TMEM132C: variants seen among roughly 807,000 people sequenced by gnomAD.
The protein encoded by TMEM132C is transmembrane protein 132C.
Under a neutral mutation model 61.4 loss-of-function variants are expected in TMEM132C, and 29 were observed. The observed-to-expected ratio is 0.47, with a 90% CI of 0.35 to 0.64. TMEM132C has a LOEUF of 0.64. Ranked by LOEUF, TMEM132C falls within the 30% of genes least tolerant of loss-of-function variation. The pLI, the probability that TMEM132C is intolerant of heterozygous loss-of-function variation, is 0.00. For synonymous variants in TMEM132C, 656 were observed against 633.1 expected, an observed-to-expected ratio of 1.04 and a Z score of -0.54; for missense variants, 1,408 against 1,476.9, an observed-to-expected ratio of 0.95 and a Z score of 0.76.
chr12:128,513,447 C>T (rs1872627536), intron 2 of TMEM132C, among the ~76,000 whole-genome samples: 1 of 152,164 alleles, frequency 6.6e-6, no homozygotes, highest in Non-Finnish European at 1.5e-5. Flanking sequence ...CTGCCCTCGT[C>T]AGGGAGAAAG....
chr12:128,471,774 T>C (rs1452056180), intron 2 of TMEM132C, among the ~76,000 whole-genome samples: 1 of 152,182 alleles, frequency 6.6e-6, no homozygotes, highest in Non-Finnish European at 1.5e-5. Flanking sequence ...GCTAGGGCTA[T>C]GTGGAAGATT....
intron 3 of TMEM132C, among the ~76,000 whole-genome samples, chr12:128,614,418 A>G (rs1485461646): frequency 6.6e-6 from 1 of 152,196 alleles, no homozygotes; most frequent in Non-Finnish European, 1.5e-5. Flanking sequence ...GGTTCACAGG[A>G]CACAGTTTGC....
At chr12:128,543,886 C>A (rs769999276) in intron 2 of TMEM132C, 71 bp from the exon 3 acceptor site, 46 of 1,498,904 alleles carry the variant, frequency 3.1e-5, no homozygotes, top group Non-Finnish European at 4.0e-5. Flanking sequence ...GACAACTCTG[C>A]AGAGCTGGGC....
rs1263134910 is a variant in TMEM132C, at chr12:128,707,707, GC to G, written c.*1413del. The G allele has an allele frequency of 1.3e-5, 2 of 152,166 alleles. No homozygotes were observed. The highest frequency in any genetic ancestry group is 4.8e-5 in the African/African-American group (2 of 41,442). The allele number at this position is 152,166 out of a possible 1,614,324, so 9.4% of individuals were successfully genotyped here. On this transcript the variant is annotated 3_prime_UTR_variant, in exon 9 of 9. Coordinates refer to ENST00000435159, the MANE Select transcript of TMEM132C (RefSeq NM_001136103.3). ...GCCCTCATGCTCTCCGCAGGGGGGC[GC>G]TCACAAAGATGCCAGGGGTGTTTAT...
intron 2 of TMEM132C, among the ~76,000 whole-genome samples, chr12:128,512,315 TATG>T (rs1248226226): frequency 2.0e-5 from 3 of 152,180 alleles, no homozygotes; most frequent in African/African-American, 7.2e-5. Flanking sequence ...TATAAGCAAG[TATG>T]ATAATATTTT....
At chr12:128,342,471 A>G (rs755811778) in intron 1 of TMEM132C, among the ~76,000 whole-genome samples, 1 of 152,136 alleles carries the variant, frequency 6.6e-6, no homozygotes, top group Admixed American at 6.5e-5. Flanking sequence ...AATCTTCCAA[A>G]CCTGTTTGAA....
intron 3 of TMEM132C, among the ~76,000 whole-genome samples, chr12:128,607,042 T>G (rs1876451074): frequency 6.6e-6 from 1 of 151,896 alleles, no homozygotes; most frequent in Non-Finnish European, 1.5e-5. Flanking sequence ...ACGAGTGCTG[T>G]AGAAAAGGCC....
chr12:128,295,852 G>A (rs1322527447), intron 1 of TMEM132C, among the ~76,000 whole-genome samples: 1 of 151,140 alleles, frequency 6.6e-6, no homozygotes, highest in East Asian at 1.9e-4. Flanking sequence ...ACCATATTTA[G>A]TTGTACATTC....
At chr12:128,425,507 C>T (rs972053860) in intron 2 of TMEM132C, among the ~76,000 whole-genome samples, 6 of 152,224 alleles carry the variant, frequency 3.9e-5, no homozygotes, top group East Asian at 1.9e-4. Context: ...CTGTGTCTCT[C>T]GGTTTAAATC....
At chr12:128,494,500 T>G (rs1032108544) in intron 2 of TMEM132C, among the ~76,000 whole-genome samples, 1 of 152,254 alleles carries the variant, frequency 6.6e-6, no homozygotes, top group African/African-American at 2.4e-5. Flanking sequence ...GTTGGTAGGC[T>G]ATTAATTATT....
chr12:128,471,508 G>GA (rs1460091057), intron 2 of TMEM132C, among the ~76,000 whole-genome samples: 1 of 152,054 alleles, frequency 6.6e-6, no homozygotes, highest in Non-Finnish European at 1.5e-5. Context: ...GCATAGCTCT[G>GA]AAAAAAGACA....
At chr12:128,387,781 C>G (rs908064781) in intron 1 of TMEM132C, among the ~76,000 whole-genome samples, 3 of 152,160 alleles carry the variant, frequency 2.0e-5, no homozygotes, top group African/African-American at 7.2e-5. Flanking sequence ...GCACTCCAGC[C>G]TGGGCAACAG....
intron 4 of TMEM132C, among the ~76,000 whole-genome samples, chr12:128,652,837 A>G (rs1179892559): frequency 1.3e-5 from 2 of 152,264 alleles, no homozygotes; most frequent in Non-Finnish European, 2.9e-5. Context: ...TTGTCAGTTC[A>G]CCAGAGTTAA....
chr12:128,592,642 A>G (rs78085512), intron 3 of TMEM132C, among the ~76,000 whole-genome samples: 4,072 of 152,316 alleles, frequency 0.027, 179 homozygotes, highest in African/African-American at 0.092. Flanking sequence ...CCTGGCTGGA[A>G]ACTTGCTGAG....
At chr12:128,599,140 G>A (rs1331469820) in intron 3 of TMEM132C, among the ~76,000 whole-genome samples, 1 of 152,136 alleles carries the variant, frequency 6.6e-6, no homozygotes, top group African/African-American at 2.4e-5. Context: ...GAAACTCTCA[G>A]TGTAGACCCA....
At chr12:128,685,947 G>A (rs796223207) in intron 5 of TMEM132C, among the ~76,000 whole-genome samples, 4 of 152,324 alleles carry the variant, frequency 2.6e-5, no homozygotes, top group African/African-American at 9.6e-5. Context: ...GATAACTGTG[G>A]CCAGTCAACG....
intron 4 of TMEM132C, among the ~76,000 whole-genome samples, chr12:128,626,369 A>G (rs1197029319): frequency 6.6e-6 from 1 of 151,428 alleles, no homozygotes; most frequent in Non-Finnish European, 1.5e-5. Flanking sequence ...ACCTCAGGTG[A>G]TCTGCCCACC....
intron 1 of TMEM132C, among the ~76,000 whole-genome samples, chr12:128,285,649 C>G (rs1214727364): frequency 6.6e-6 from 1 of 151,548 alleles, no homozygotes; most frequent in African/African-American, 2.4e-5. Flanking sequence ...CTCTCTCTCT[C>G]TCTCTCTCCC....
At chr12:128,274,268 T>A (rs12300849) in intron 1 of TMEM132C, among the ~76,000 whole-genome samples, 152 of 152,366 alleles carry the variant, frequency 1.0e-3, no homozygotes, top group African/African-American at 3.3e-3. Flanking sequence ...TGCATATGGC[T>A]GGAATCCTAA....
Sources: gnomAD v4.1 joint callset for allele counts (sites outside exome capture counted in the v4.1 genomes callset) on GRCh38, gnomAD v4.1.1 for gene constraint, MANE v1.5 for transcripts, NCBI Gene and HGNC (gene_info 2026-07-23, HGNC 2026-07-21) for gene names.